The following DTD1 variants were observed in gnomAD, a reference collection of about 807,000 sequenced individuals.
DTD1 encodes the protein D-tyrosyl-tRNA deacylase 1 homolog.
Under a neutral mutation model 25.6 loss-of-function variants are expected in DTD1, and 13 were observed. That is an observed-to-expected ratio of 0.51 (90% CI 0.33 to 0.81). The LOEUF (loss-of-function observed/expected upper bound fraction) is 0.81. Among genes scored for constraint, DTD1 ranks in the 30% least tolerant of loss-of-function variants. The pLI is 0.02. For synonymous variants in DTD1, 110 were observed against 103.6 expected, an observed-to-expected ratio of 1.06 and a Z score of -0.37; for missense variants, 193 against 266.4, an observed-to-expected ratio of 0.72 and a Z score of 1.92.
chr20:18,730,168 A>G (rs1179588846), intron 4 of DTD1, among the ~76,000 whole-genome samples: 2 of 152,134 alleles, frequency 1.3e-5, no homozygotes, highest in Non-Finnish European at 2.9e-5. Context: ...TGGTAAATCA[A>G]TCTGTACAGA....
intron 4 of DTD1, among the ~76,000 whole-genome samples, chr20:18,635,399 T>C (rs1021919033): frequency 2.0e-5 from 3 of 152,224 alleles, no homozygotes; most frequent in African/African-American, 7.2e-5. Context: ...CTACCAGGGC[T>C]AGGGCGCCAC....
intron 3 of DTD1, among the ~76,000 whole-genome samples, chr20:18,620,795 G>A (rs1568648535): frequency 6.6e-6 from 1 of 151,996 alleles, no homozygotes; most frequent in African/African-American, 2.4e-5. Context: ...ATATTGCTGT[G>A]TTGCCCAGGC....
chr20:18,623,996 G>T (rs2060747264), intron 3 of DTD1, among the ~76,000 whole-genome samples: 1 of 152,058 alleles, frequency 6.6e-6, no homozygotes, highest in African/African-American at 2.4e-5. Context: ...CTGATGGAGG[G>T]TGGTTCTGAG....
chr20:18,631,097 C>G, intron 4 of DTD1: 1 of 985,476 alleles, frequency 1.0e-6, no homozygotes, highest in Non-Finnish European at 1.2e-6. Context: ...ACAGCTCTCT[C>G]TCAGCTTTGC....
In DTD1 at chr20:18,601,498, C is replaced by CA. The variant is rs1175102426; in HGVS notation, c.370+5279dup. ...TGGATGACAGAGCGGGACTCTGTCTCAAAAAAAAAAAAAAAAAAAAAAGCA... is the reference window on the plus strand; with the variant it reads ...TGGATGACAGAGCGGGACTCTGTCTCAAAAAAAAAAAAAAAAAAAAAAAGCA... On this transcript the variant is annotated intron_variant, in intron 3 of 5. Coordinates refer to ENST00000377452, the MANE Select transcript of DTD1 (RefSeq NM_080820.6). Among the ~76,000 whole-genome samples the CA allele has an allele frequency of 6.3e-3, 692 of 110,406 alleles. 6 individuals carry two copies. The highest frequency in any genetic ancestry group is 0.019 in the African/African-American group (555 of 28,494). The allele number at this position is 110,406 out of a possible 152,430, so 72.4% of individuals were successfully genotyped here.
chr20:18,652,806 T>C (rs1210199948), intron 4 of DTD1, among the ~76,000 whole-genome samples: 1 of 152,190 alleles, frequency 6.6e-6, no homozygotes, highest in Non-Finnish European at 1.5e-5. Flanking sequence ...GGAAAAATGC[T>C]TTGTAGACTG....
intron 4 of DTD1, among the ~76,000 whole-genome samples, chr20:18,670,036 A>G (rs1378582206): frequency 6.6e-6 from 1 of 152,162 alleles, no homozygotes; most frequent in Non-Finnish European, 1.5e-5. Context: ...GCTGCAAATT[A>G]GCTTCCTTCT....
At chr20:18,657,824 C>T (rs188848672) in intron 4 of DTD1, among the ~76,000 whole-genome samples, 2 of 152,180 alleles carry the variant, frequency 1.3e-5, no homozygotes, top group Non-Finnish European at 2.9e-5. Context: ...TCCCCATAGG[C>T]CTGCTTGACG....
chr20:18,645,118 C>T (rs372248291), intron 4 of DTD1, among the ~76,000 whole-genome samples: 24 of 152,282 alleles, frequency 1.6e-4, no homozygotes, highest in African/African-American at 5.8e-4. Flanking sequence ...TGTCTGGACT[C>T]CAGCTTGGGC....
chr20:18,658,816 A>G (rs2060899274), intron 4 of DTD1, among the ~76,000 whole-genome samples: 1 of 152,210 alleles, frequency 6.6e-6, no homozygotes, highest in Admixed American at 6.5e-5. Flanking sequence ...AGCCTTACCC[A>G]CTTATGTAGG....
chr20:18,677,072 A>G (rs2060979045), intron 4 of DTD1, among the ~76,000 whole-genome samples: 2 of 152,334 alleles, frequency 1.3e-5, no homozygotes, highest in Non-Finnish European at 1.5e-5. Context: ...TAAATAACAT[A>G]CAGCTGAATA....
At chr20:18,723,980 C>G (rs1568681987) in intron 4 of DTD1, among the ~76,000 whole-genome samples, 3 of 152,136 alleles carry the variant, frequency 2.0e-5, no homozygotes, top group Admixed American at 6.5e-5. Context: ...CCTCATGGTC[C>G]TAGAGTCACC....
intron 4 of DTD1, among the ~76,000 whole-genome samples, chr20:18,645,345 A>G (rs571281566): frequency 1.3e-5 from 2 of 152,358 alleles, no homozygotes; most frequent in African/African-American, 2.4e-5. Context: ...CCTAATTTAC[A>G]TACCCGCAGG....
In DTD1 at chr20:18,615,909, C is replaced by A. The variant is rs1461076152; in HGVS notation, c.371-12218C>A. ...GAGAAAGTGCCAGGAGCTGGAAGACCACGTCTAAGTTTTTGTTTTGTGCTT... is the reference window on the plus strand; with the variant it reads ...GAGAAAGTGCCAGGAGCTGGAAGACAACGTCTAAGTTTTTGTTTTGTGCTT... On this transcript the variant is annotated intron_variant, in intron 3 of 5. Transcript: ENST00000377452. 2.0e-5 allele frequency among the ~76,000 whole-genome samples: 3 copies of A among 152,164 alleles called. No individual in the cohort carries two copies. The East Asian group carries it at 5.8e-4, about 29-fold the overall frequency.
chr20:18,698,590 T>C (rs1042710400), intron 4 of DTD1: 12 of 152,256 alleles, frequency 7.9e-5, no homozygotes, highest in Non-Finnish European at 1.6e-4. Flanking sequence ...GTCTGCAGGA[T>C]GCTTGATGTG....
At chr20:18,663,221 A>G (rs976873362) in intron 4 of DTD1, among the ~76,000 whole-genome samples, 6 of 152,154 alleles carry the variant, frequency 3.9e-5, no homozygotes, top group Non-Finnish European at 7.4e-5. Context: ...GAAAAGTTTC[A>G]TAGAAAGTGT....
intron 4 of DTD1, among the ~76,000 whole-genome samples, chr20:18,677,000 A>G (rs1421466392): frequency 6.6e-6 from 1 of 152,206 alleles, no homozygotes; most frequent in Non-Finnish European, 1.5e-5. Context: ...CCCACCCCCT[A>G]AAAAGAAAAG....
intron 4 of DTD1, among the ~76,000 whole-genome samples, chr20:18,639,991 T>C (rs1332299016): frequency 1.3e-5 from 2 of 151,952 alleles, no homozygotes; most frequent in Non-Finnish European, 2.9e-5. Context: ...AGGGGATAAG[T>C]ATAAGTTCTA....
intron 4 of DTD1, among the ~76,000 whole-genome samples, chr20:18,698,170 A>G (rs1011269353): frequency 1.3e-5 from 2 of 152,226 alleles, no homozygotes; most frequent in Non-Finnish European, 2.9e-5. Context: ...CTGCTGATGT[A>G]TATGTTTTTA....
Sources: allele counts gnomAD v4.1 joint callset (sites outside exome capture counted in the v4.1 genomes callset), GRCh38; gene constraint gnomAD v4.1.1; transcripts MANE v1.5; gene names NCBI Gene and HGNC (gene_info 2026-07-23, HGNC 2026-07-21).